Variants in CYB5B observed in about 807,000 individuals in gnomAD.
CYB5B encodes cytochrome b5 type B (outer mitochondrial membrane).
A neutral mutation model predicts 21.3 loss-of-function variants in CYB5B; 14 were observed. The observed-to-expected ratio is 0.66, with a 90% CI of 0.43 to 1.03. The LOEUF (loss-of-function observed/expected upper bound fraction) is 1.03, where lower values mean the gene tolerates loss of function less well. Ranked by LOEUF, CYB5B falls within the 50% of genes least tolerant of loss-of-function variation. CYB5B has a pLI of 0.00. For missense variants in CYB5B, 166 were observed against 185.1 expected, an observed-to-expected ratio of 0.90 and a Z score of 0.60; for synonymous variants, 69 against 68.4, an observed-to-expected ratio of 1.01 and a Z score of -0.04.
At chr16:69,447,107 T>C (rs1338146321) in intron 1 of CYB5B, 43 bp from the exon 2 acceptor site, 3 of 1,596,168 alleles carry the variant, frequency 1.9e-6, no homozygotes, top group Non-Finnish European at 2.6e-6. Context: ...GTTGGTTTGC[T>C]TTTCAGAGAA....
rs1162679165 is a variant in CYB5B at position 69,455,875 on chromosome 16, C to T, written c.334-3218C>T. On this transcript the variant is annotated intron_variant, in intron 3 of 4. Transcript: ENST00000307892. Reference sequence around the variant, plus strand: ...ATAAGAGAATGGTGTTTTCTTCTCTCTACCCTTTAGAAGCCTGCTGCTCTA... The same window carrying T: ...ATAAGAGAATGGTGTTTTCTTCTCTTTACCCTTTAGAAGCCTGCTGCTCTA... Among the ~76,000 whole-genome samples the T allele has an allele frequency of 2.0e-5, 3 of 152,268 alleles. No homozygotes were observed. In the East Asian group the frequency reaches 5.8e-4, roughly 29 times the overall value.
At chr16:69,449,871 A>G (rs2014915045) in intron 3 of CYB5B, 1 of 152,164 alleles carries the variant, frequency 6.6e-6, no homozygotes, top group South Asian at 2.1e-4. Context: ...TGTGGTAAGC[A>G]TTGTCTGCCT....
intron 3 of CYB5B, among the ~76,000 whole-genome samples, chr16:69,457,079 A>G (rs1331247722): frequency 4.6e-5 from 7 of 152,162 alleles, no homozygotes; most frequent in Non-Finnish European, 1.0e-4. Flanking sequence ...GATTGATCTT[A>G]AAACAGGCAC....
intron 1 of CYB5B, among the ~76,000 whole-genome samples, chr16:69,442,167 TA>T (rs1250454454): frequency 1.3e-5 from 2 of 152,174 alleles, no homozygotes; most frequent in Non-Finnish European, 2.9e-5. Flanking sequence ...TTACTGTGAT[TA>T]AAAGTCAGAC....
chr16:69,432,299 T>TA (rs1184622226), intron 1 of CYB5B, among the ~76,000 whole-genome samples: 5 of 152,236 alleles, frequency 3.3e-5, no homozygotes, highest in South Asian at 2.1e-4. Flanking sequence ...GTGAAAGTGA[T>TA]ATGTGAGTAC....
chr16:69,428,134 A>G (rs556635631), intron 1 of CYB5B, among the ~76,000 whole-genome samples: 2 of 152,162 alleles, frequency 1.3e-5, no homozygotes, highest in African/African-American at 4.8e-5. Context: ...CTAATTAGCT[A>G]TTCTTATTTA....
chr16:69,457,759 C>G (rs375658098), intron 3 of CYB5B, among the ~76,000 whole-genome samples: 1 of 152,046 alleles, frequency 6.6e-6, no homozygotes, highest in African/African-American at 2.4e-5. Flanking sequence ...TAAAACCTTT[C>G]GTTTGCCATT....
intron 3 of CYB5B, among the ~76,000 whole-genome samples, chr16:69,453,318 ACTT>A (rs2142824632): frequency 6.6e-6 from 1 of 152,306 alleles, no homozygotes; most frequent in Non-Finnish European, 1.5e-5. Context: ...CATACAGTTT[ACTT>A]CTTTTATGAG....
chr16:69,457,704 A>G (rs2014996034), intron 3 of CYB5B, among the ~76,000 whole-genome samples: 1 of 152,226 alleles, frequency 6.6e-6, no homozygotes, highest in Non-Finnish European at 1.5e-5. Context: ...AATGATAATC[A>G]TTAAAGTCTT....
chr16:69,425,355 G>GT (rs34105556), intron 1 of CYB5B, among the ~76,000 whole-genome samples: 85,191 of 134,870 alleles, frequency 0.63, 25,021 homozygotes, highest in Non-Finnish European at 0.7. Flanking sequence ...TGCCTCCACT[G>GT]TTTTTTTTTC....
intron 1 of CYB5B, among the ~76,000 whole-genome samples, chr16:69,434,197 G>A (rs776879234): frequency 6.6e-6 from 1 of 152,092 alleles, no homozygotes; most frequent in Non-Finnish European, 1.5e-5. Flanking sequence ...TATTTTTTCT[G>A]TGTTATCAGT....
chr16:69,462,547 C>G lies in CYB5B; in HGVS notation c.*27C>G. ...GAGGCCTTGCTGAAGTTAGAAAGTG[C>G]ATCCACTTTGGGGCGAAAACTAGAG... On this transcript the variant is annotated 3_prime_UTR_variant, in exon 5 of 5. Transcript: ENST00000307892. 4 of 1,590,318 alleles carry G rather than the reference C, an allele frequency of 2.5e-6. No homozygotes were observed. Among genetic ancestry groups the G allele is most frequent in the African/African-American group, 2.7e-5 (2 of 74,582 alleles).
intron 3 of CYB5B, among the ~76,000 whole-genome samples, chr16:69,450,556 C>G (rs2014922472): frequency 6.6e-6 from 1 of 152,172 alleles, no homozygotes; most frequent in Non-Finnish European, 1.5e-5. Context: ...GAGCTATATT[C>G]CAACCTGACT....
Position 69,448,128 on chromosome 16 carries a change from C to G in CYB5B, c.317C>G (p.Pro106Arg), listed in dbSNP as rs2014895838. The G allele has an allele frequency of 1.9e-6, 3 of 1,612,510 alleles. No individual in the cohort carries two copies. The Admixed American group carries it at 5.0e-5, about 27-fold the overall frequency. The change falls in exon 3 of 5, where the codon CCT becomes CGT. Residue 106 changes from proline (P) to arginine (R), a missense_variant. By Grantham distance (103) the Pro-to-Arg change is moderately radical. Transcript: ENST00000307892. The part of the protein sequence containing the change: ...IGDIHPSDLK[P>R]ESGSKDPSKN... ...TTTTTTTGACAGAGTGACCTTAAAC[C>G]TGAAAGTGGTAGCAAGGTAAGAAGT...
Position 69,447,225 on chromosome 16 carries a change from T to G in CYB5B, c.250T>G (p.Ser84Ala). 6.2e-7 allele frequency: 1 copy of G among 1,614,068 alleles called. No individual in the cohort carries two copies. Among genetic ancestry groups the G allele is most frequent in the East Asian group, 2.2e-5 (1 of 44,884 alleles). The change falls in exon 2 of 5, where the codon TCT becomes GCT. Residue 84 changes from serine (S) to alanine (A), a missense_variant. By Grantham distance (99) the Ser-to-Ala change is moderately conservative. Transcript: ENST00000307892. Reference sequence around the variant, plus strand: ...TGAAAGCTTTGAAGATGTAGGACACTCTTCTGATGCCAGAGAAATGCTAAA... The same window carrying G: ...TGAAAGCTTTGAAGATGTAGGACACGCTTCTGATGCCAGAGAAATGCTAAA... ...ASESFEDVGHSSDAREMLKQY... is the reference protein window; with the variant it reads ...ASESFEDVGHASDAREMLKQY...
intron 1 of CYB5B, among the ~76,000 whole-genome samples, chr16:69,429,404 A>G (rs933923393): frequency 2.6e-5 from 4 of 152,162 alleles, no homozygotes; most frequent in Non-Finnish European, 5.9e-5. Flanking sequence ...CCATTTTTAC[A>G]GAGTGCTGAT....
At chr16:69,460,045 T>C (rs966507739) in intron 4 of CYB5B, among the ~76,000 whole-genome samples, 10 of 151,930 alleles carry the variant, frequency 6.6e-5, no homozygotes, top group Non-Finnish European at 1.5e-4. Flanking sequence ...GGTCAGGAGT[T>C]CGAGACCAGC....
In CYB5B at chr16:69,462,366, G is replaced by A; in HGVS notation, c.363-64G>A. Reference sequence around the variant, plus strand: ...GCCTATATAAAAACATGTGAAAGCTGAAAGATAGTGAACATTTGGCTTAAA... The same window carrying A: ...GCCTATATAAAAACATGTGAAAGCTAAAAGATAGTGAACATTTGGCTTAAA... On this transcript the variant is annotated intron_variant, in intron 4 of 4. Coordinates refer to ENST00000307892, the MANE Select transcript of CYB5B (RefSeq NM_030579.3). 6 of 1,314,374 alleles carry A rather than the reference G, an allele frequency of 4.6e-6. No individual in the cohort carries two copies. The South Asian group carries it at 4.7e-5, about 10-fold the overall frequency. The allele number at this position is 1,314,374 out of a possible 1,614,324, so 81.4% of individuals were successfully genotyped here.
rs144304888 is a variant in CYB5B, at chr16:69,428,680, A to G, written c.174+3823A>G. Among the ~76,000 whole-genome samples the G allele has an allele frequency of 8.2e-4, 125 of 152,202 alleles. 1 individual carries two copies. Among genetic ancestry groups the G allele is most frequent in the Middle Eastern group, 3.4e-3 (1 of 292 alleles). On this transcript the variant is annotated intron_variant, in intron 1 of 4. Coordinates refer to ENST00000307892, the MANE Select transcript of CYB5B (RefSeq NM_030579.3). ...AAATGAAAAAAAAAAGAAAAATAAT[A>G]CAGGGAAGAGGACTGTGGAATATTT...
Sources: allele counts gnomAD v4.1 joint callset (sites outside exome capture counted in the v4.1 genomes callset), GRCh38; gene constraint gnomAD v4.1.1; transcripts MANE v1.5; gene names NCBI Gene and HGNC (gene_info 2026-07-23, HGNC 2026-07-21).